Variants in ADAM22 observed in about 807,000 individuals in gnomAD.
ADAM22 encodes the protein disintegrin and metalloproteinase domain-containing protein 22.
Under a neutral mutation model 144.6 loss-of-function variants are expected in ADAM22, and 65 were observed. That is an observed-to-expected ratio of 0.45 (90% confidence interval 0.37 to 0.55). ADAM22 has a LOEUF of 0.55. ADAM22 is among the 20% of genes least tolerant of loss of function. ADAM22 has a pLI of 0.00. For synonymous variants in ADAM22, 391 were observed against 412.6 expected (o/e 0.95, Z 0.63); for missense variants, 974 against 1,184.9 (o/e 0.82, Z 2.61).
At chr7:88,116,718 TA>T in intron 6 of ADAM22, 26 bp from the exon 7 acceptor site, 1 of 1,587,676 alleles carries the variant, frequency 6.3e-7, no homozygotes, top group Non-Finnish European at 8.6e-7. Flanking sequence ...TGTACATGCT[TA>T]ATCACTGTTG....
intron 5 of ADAM22, among the ~76,000 whole-genome samples, chr7:88,112,041 A>C (rs1047025568): frequency 6.6e-6 from 1 of 152,210 alleles, no homozygotes; most frequent in Non-Finnish European, 1.5e-5. Context: ...TTGGCAAACT[A>C]TGATGGTTTC....
chr7:88,171,047 T>G (rs2129533804), intron 25 of ADAM22, among the ~76,000 whole-genome samples: 1 of 152,082 alleles, frequency 6.6e-6, no homozygotes, highest in African/African-American at 2.4e-5. Flanking sequence ...TTATCATACC[T>G]GATGAAATAA....
intron 2 of ADAM22, among the ~76,000 whole-genome samples, chr7:87,973,260 A>G (rs1850952520): frequency 2.0e-5 from 3 of 152,006 alleles, no homozygotes; most frequent in South Asian, 2.1e-4. Flanking sequence ...AAACAAACCC[A>G]TCAAAAAGTG....
chr7:88,125,824 GC>G (rs1830278172), intron 8 of ADAM22, among the ~76,000 whole-genome samples, 165 bp downstream of exon 8: 1 of 151,940 alleles, frequency 6.6e-6, no homozygotes, highest in Admixed American at 6.6e-5. Flanking sequence ...TAGAAAGGGG[GC>G]CATGTTGTTT....
Position 88,032,955 on chromosome 7 carries a change from A to G in ADAM22, c.324-42671A>G, listed in dbSNP as rs572405150. Among the ~76,000 whole-genome samples the G allele has an allele frequency of 6.6e-5, 10 of 152,282 alleles. No homozygotes were observed. The East Asian group carries it at 1.9e-3, about 29-fold the overall frequency. On this transcript the variant is annotated intron_variant, in intron 3 of 31. Transcript: ENST00000413139. The stretch of plus-strand genomic sequence containing the variant: ...CCTTCCCAGAAGTAGAAGCCTGTAC[A>G]CCCTGCAGAACTGTGAGCCGATCCA...
At chr7:87,968,932 A>G (rs548440396) in intron 2 of ADAM22, among the ~76,000 whole-genome samples, 2 of 152,144 alleles carry the variant, frequency 1.3e-5, no homozygotes, top group Non-Finnish European at 2.9e-5. Context: ...ACATGGTCAG[A>G]GCAGAAGGAA....
chr7:88,028,677 GTA>G (rs530719336), intron 3 of ADAM22, among the ~76,000 whole-genome samples: 6 of 150,310 alleles, frequency 4.0e-5, no homozygotes, highest in Admixed American at 1.3e-4. Flanking sequence ...TTGAGTGTGT[GTA>G]TATATATATA....
intron 3 of ADAM22, among the ~76,000 whole-genome samples, chr7:88,009,957 A>G (rs905219215): frequency 2.6e-5 from 4 of 152,078 alleles, no homozygotes; most frequent in Non-Finnish European, 5.9e-5. Flanking sequence ...TGTTTCCGTA[A>G]CTCTACTTTT....
intron 30 of ADAM22, among the ~76,000 whole-genome samples, chr7:88,191,105 G>A (rs566475455): frequency 1.3e-5 from 2 of 152,280 alleles, no homozygotes; most frequent in South Asian, 4.1e-4. Context: ...ATTAACTAGT[G>A]TAACTAGCGT....
At chr7:87,990,903 A>G (rs1050998947) in intron 3 of ADAM22, among the ~76,000 whole-genome samples, 5 of 152,130 alleles carry the variant, frequency 3.3e-5, no homozygotes, top group African/African-American at 1.2e-4. Context: ...ACCTCAAGTG[A>G]TCCATTTGCC....
chr7:88,186,853 T>G, intron 30 of ADAM22, 152 bp downstream of exon 30: 2 of 601,352 alleles, frequency 3.3e-6, no homozygotes, highest in East Asian at 5.6e-5. Context: ...TGACTCTGTT[T>G]TTGCTTCGTG....
chr7:88,024,909 C>G (rs1388048490), intron 3 of ADAM22, among the ~76,000 whole-genome samples: 7 of 152,112 alleles, frequency 4.6e-5, no homozygotes, highest in Admixed American at 1.3e-4. Flanking sequence ...ACATAGTATT[C>G]CATGGTGTAT....
intron 3 of ADAM22, among the ~76,000 whole-genome samples, chr7:88,059,436 G>A (rs888823477): frequency 6.6e-6 from 1 of 152,108 alleles, no homozygotes; most frequent in African/African-American, 2.4e-5. Context: ...ATAATATATA[G>A]GCCTACCTTG....
intron 3 of ADAM22, among the ~76,000 whole-genome samples, chr7:88,039,377 G>A (rs925045427): frequency 6.1e-5 from 9 of 146,604 alleles, no homozygotes; most frequent in Middle Eastern, 3.2e-3. Context: ...GGGAGGCGGC[G>A]GTTGCAGTGA....
Position 88,067,504 on chromosome 7 carries a change from G to A in ADAM22, c.324-8122G>A, listed in dbSNP as rs1478140989. On this transcript the variant is annotated intron_variant, in intron 3 of 31. Coordinates refer to ENST00000413139, the MANE Select transcript of ADAM22 (RefSeq NM_001324418.2). ...ATTATATGTTAATAGAATTTTACTAGCATATTTGTAGACTGTTAATTTGAT... is the reference window on the plus strand; with the variant it reads ...ATTATATGTTAATAGAATTTTACTAACATATTTGTAGACTGTTAATTTGAT... 2.0e-5 allele frequency among the ~76,000 whole-genome samples: 3 copies of A among 151,352 alleles called. No homozygotes were observed. The East Asian group carries it at 5.8e-4, about 29-fold the overall frequency.
chr7:87,950,151 A>C (rs1316707610), intron 2 of ADAM22, among the ~76,000 whole-genome samples: 1 of 151,982 alleles, frequency 6.6e-6, no homozygotes, highest in African/African-American at 2.4e-5. Flanking sequence ...TTTTATTATT[A>C]TTATACTTTA....
In ADAM22 at chr7:88,071,779, A is replaced by G. The variant is rs1326178390; in HGVS notation, c.324-3847A>G. On this transcript the variant is annotated intron_variant, in intron 3 of 31. Transcript: ENST00000413139. Reference sequence around the variant, plus strand: ...TTGGTTGAAAATGATTTTTACTTTTATATTTCAAAGTTCACAAACAAGCAT... The same window carrying G: ...TTGGTTGAAAATGATTTTTACTTTTGTATTTCAAAGTTCACAAACAAGCAT... 2.0e-5 allele frequency among the ~76,000 whole-genome samples: 3 copies of G among 152,298 alleles called. No homozygotes were observed. The East Asian group carries it at 5.8e-4, about 29-fold the overall frequency.
At chr7:87,939,781 G>T (rs1158075234) in intron 2 of ADAM22, among the ~76,000 whole-genome samples, 1 of 152,130 alleles carries the variant, frequency 6.6e-6, no homozygotes, top group Non-Finnish European at 1.5e-5. Context: ...CATAGTCCCA[G>T]AAGTATGTTA....
intron 3 of ADAM22, among the ~76,000 whole-genome samples, chr7:88,027,608 C>T: frequency 6.6e-6 from 1 of 152,034 alleles, no homozygotes; most frequent in East Asian, 1.9e-4. Context: ...ATTAGGCTGG[C>T]TAAAGATTTG....
Sources: gnomAD v4.1 joint callset for allele counts (sites outside exome capture counted in the v4.1 genomes callset) on GRCh38, gnomAD v4.1.1 for gene constraint, MANE v1.5 for transcripts, NCBI Gene and HGNC (gene_info 2026-07-23, HGNC 2026-07-21) for gene names.